SPATS2: variants seen among roughly 807,000 people sequenced by gnomAD.
The protein encoded by SPATS2 is spermatogenesis associated serine rich 2.
In SPATS2, 38 loss-of-function variants were observed where a neutral mutation model predicts 63.7. The ratio of observed to expected loss-of-function variants is 0.60; its 90% CI spans 0.46 to 0.78. SPATS2 has a LOEUF of 0.78. Among genes scored for constraint, SPATS2 ranks in the 30% least tolerant of loss-of-function variants. The pLI is 0.00. For missense variants in SPATS2, 588 were observed against 666.2 expected, an observed-to-expected ratio of 0.88 and a Z score of 1.29; for synonymous variants, 207 against 232.9, an observed-to-expected ratio of 0.89 and a Z score of 1.01.
At chr12:49,450,573 C>T (rs746665999) in intron 2 of SPATS2, among the ~76,000 whole-genome samples, 2 of 151,112 alleles carry the variant, frequency 1.3e-5, no homozygotes, top group Non-Finnish European at 2.9e-5. Flanking sequence ...GACGGAGTTT[C>T]ACTCTTGTTG....
In SPATS2 at chr12:49,493,096, C is replaced by CT. The variant is rs558108515; in HGVS notation, c.265-1642dup. ...CTGGGCAACAAGAGCGAAACTCCGTCTTTAAAAAAAAAAAAAAAAAAGAAA... is the reference window on the plus strand; with the variant it reads ...CTGGGCAACAAGAGCGAAACTCCGTCTTTTAAAAAAAAAAAAAAAAAAGAAA... On this transcript the variant is annotated intron_variant, in intron 6 of 13. Transcript: ENST00000552918. Among the ~76,000 whole-genome samples, 63 of 115,824 alleles carry CT rather than the reference C, an allele frequency of 5.4e-4. No individual in the cohort carries two copies. The South Asian group carries it at 0.013, about 24-fold the overall frequency. 76.0% of individuals were successfully genotyped at this position (115,824 alleles called of 152,430 possible). A position where few individuals can be genotyped will look rare whatever the true frequency, so the allele number is the denominator to read the frequency against.
intron 2 of SPATS2, among the ~76,000 whole-genome samples, chr12:49,437,966 G>A (rs555014196): frequency 6.6e-6 from 1 of 152,098 alleles, no homozygotes; most frequent in Admixed American, 6.5e-5. Flanking sequence ...AAATTAAAAA[G>A]CTTTCAAGTT....
intron 2 of SPATS2, among the ~76,000 whole-genome samples, chr12:49,452,762 AT>A (rs529512251): frequency 2.5e-4 from 37 of 145,960 alleles, no homozygotes; most frequent in African/African-American, 8.1e-4. Flanking sequence ...TTTATTTTTT[AT>A]TTTTTTTTAA....
At chr12:49,482,900 C>T (rs11613509) in intron 3 of SPATS2, among the ~76,000 whole-genome samples, 13,833 of 151,536 alleles carry the variant, frequency 0.091, 746 homozygotes, top group African/African-American at 0.14. Flanking sequence ...GCTGTCTTCC[C>T]GCCTCACCCT....
chr12:49,389,783 C>A, intron 2 of SPATS2: 1 of 1,182,418 alleles, frequency 8.5e-7, no homozygotes, highest in Non-Finnish European at 1.3e-6. Flanking sequence ...TGCGTACATC[C>A]CTGGAAGAAC....
chr12:49,437,135 G>T (rs1945322847), intron 2 of SPATS2, among the ~76,000 whole-genome samples: 1 of 151,478 alleles, frequency 6.6e-6, no homozygotes, highest in Non-Finnish European at 1.5e-5. Flanking sequence ...GGGTGGAGGG[G>T]CTCCTCACTT....
chr12:49,446,064 C>G (rs1361826816), intron 2 of SPATS2, among the ~76,000 whole-genome samples: 1 of 151,938 alleles, frequency 6.6e-6, no homozygotes, highest in Non-Finnish European at 1.5e-5. Flanking sequence ...CCACCACACC[C>G]AGATAATTTT....
chr12:49,502,381 C>T lies in SPATS2; in HGVS notation c.839+2176C>T, dbSNP rs2137960424. 2.0e-5 allele frequency among the ~76,000 whole-genome samples: 3 copies of T among 152,340 alleles called. No individual in the cohort carries two copies. The Middle Eastern group carries it at 0.01, about 518-fold the overall frequency. ...GCTAGATAATTCATCTTAGTCTACC[C>T]ATGCCTTGTCCTGAACTCTAAGTTT... is the stretch of plus-strand genomic sequence containing the variant. On this transcript the variant is annotated intron_variant, in intron 9 of 13. Transcript: ENST00000552918.
intron 2 of SPATS2, among the ~76,000 whole-genome samples, chr12:49,393,482 AC>A (rs1390682972): frequency 1.3e-5 from 2 of 152,086 alleles, no homozygotes; most frequent in Admixed American, 1.3e-4. Flanking sequence ...CTTTTTTATT[AC>A]TTTGAAATAT....
At chr12:49,388,115 A>C (rs1944352721) in intron 2 of SPATS2, among the ~76,000 whole-genome samples, 1 of 151,946 alleles carries the variant, frequency 6.6e-6, no homozygotes. Context: ...TCTGTTACTA[A>C]TATTAATGAA....
chr12:49,508,108 A>G (rs909641288), intron 9 of SPATS2, among the ~76,000 whole-genome samples: 11 of 152,180 alleles, frequency 7.2e-5, no homozygotes, highest in Admixed American at 3.3e-4. Flanking sequence ...CTGTCTTACC[A>G]GGTATTCCTG....
At chr12:49,476,247 G>T (rs767518815) in intron 3 of SPATS2, among the ~76,000 whole-genome samples, 9 of 152,102 alleles carry the variant, frequency 5.9e-5, no homozygotes, top group Non-Finnish European at 1.2e-4. Context: ...ACAGTCACCC[G>T]CACGCCAGCA....
chr12:49,368,217 A>C (rs1411401565), intron 1 of SPATS2, among the ~76,000 whole-genome samples: 2 of 152,212 alleles, frequency 1.3e-5, no homozygotes, highest in African/African-American at 4.8e-5. Context: ...TCTTTTAGAA[A>C]GTGGATCTTT....
intron 2 of SPATS2, among the ~76,000 whole-genome samples, chr12:49,381,332 T>C (rs142977326): frequency 2.0e-5 from 3 of 152,332 alleles, no homozygotes; most frequent in East Asian, 3.9e-4. Context: ...TAGCTAATAC[T>C]ATAGTTGTAA....
At chr12:49,447,562 T>G (rs941757716) in intron 2 of SPATS2, among the ~76,000 whole-genome samples, 17 of 152,234 alleles carry the variant, frequency 1.1e-4, no homozygotes, top group African/African-American at 3.9e-4. Context: ...TAAAACAGTT[T>G]GTGGAGAATT....
At chr12:49,434,913 C>T (rs1044685832) in intron 2 of SPATS2, among the ~76,000 whole-genome samples, 1 of 151,284 alleles carries the variant, frequency 6.6e-6, no homozygotes, top group Non-Finnish European at 1.5e-5. Context: ...TTATTATTTA[C>T]TAGTATCCCC....
chr12:49,398,944 A>C (rs539806815), intron 2 of SPATS2, among the ~76,000 whole-genome samples: 2 of 152,216 alleles, frequency 1.3e-5, no homozygotes, highest in East Asian at 3.9e-4. Context: ...GACAATTTTG[A>C]CTTTTTCTCT....
At chr12:49,493,292 A>C (rs1196578603) in intron 6 of SPATS2, among the ~76,000 whole-genome samples, 2 of 152,212 alleles carry the variant, frequency 1.3e-5, no homozygotes, top group Non-Finnish European at 2.9e-5. Flanking sequence ...GACAAAACAA[A>C]AGGTAAAGGA....
chr12:49,422,230 C>CA (rs928300785), intron 2 of SPATS2, among the ~76,000 whole-genome samples: 1 of 152,148 alleles, frequency 6.6e-6, no homozygotes, highest in Non-Finnish European at 1.5e-5. Context: ...ACCACCTCAC[C>CA]ACTTACCAGC....
Sources: allele counts gnomAD v4.1 joint callset (sites outside exome capture counted in the v4.1 genomes callset), GRCh38; gene constraint gnomAD v4.1.1; transcripts MANE v1.5; gene names NCBI Gene and HGNC (gene_info 2026-07-23, HGNC 2026-07-21).